NUBPL: variants seen among roughly 807,000 people sequenced by gnomAD.
NUBPL encodes the protein NUBP iron-sulfur cluster assembly factor, mitochondrial.
A neutral mutation model predicts 45.7 loss-of-function variants in NUBPL; 31 were observed. The observed-to-expected ratio is 0.68, with a 90% CI of 0.51 to 0.92. NUBPL has a LOEUF of 0.92. Ranked by LOEUF, NUBPL falls within the 40% of genes least tolerant of loss-of-function variation. The probability of loss-of-function intolerance (pLI) is 0.00; values close to 1 mark genes in which losing one functional copy is unlikely to be tolerated. For synonymous variants in NUBPL, 144 were observed against 140.9 expected (o/e 1.02, Z -0.15); for missense variants, 401 against 398.7 (o/e 1.01, Z -0.05).
intron 8 of NUBPL, among the ~76,000 whole-genome samples, chr14:31,837,166 A>G (rs890218461): frequency 2.4e-4 from 37 of 152,234 alleles, no homozygotes; most frequent in Middle Eastern, 3.4e-3. Flanking sequence ...TACAAAAAAT[A>G]AAAAATTAGC....
rs944143569 is a variant in NUBPL, at chr14:31,651,446, A to T, written c.383-21909A>T. On this transcript the variant is annotated intron_variant, in intron 4 of 10. Transcript: ENST00000281081. The stretch of plus-strand genomic sequence containing the variant: ...TTTTAGCATGAATCACATTTTTTTT[A>T]AGGATGGGTTATCTCAGGTATTGTG... Among the ~76,000 whole-genome samples the T allele has an allele frequency of 1.2e-4, 18 of 152,188 alleles. No homozygotes were observed. The East Asian group carries it at 2.1e-3, about 18-fold the overall frequency.
At chr14:31,648,323 A>C (rs186148828) in intron 4 of NUBPL, among the ~76,000 whole-genome samples, 6 of 152,340 alleles carry the variant, frequency 3.9e-5, no homozygotes, top group Admixed American at 3.9e-4. Context: ...CATGGACTGG[A>C]AAAATCCTAG....
chr14:31,737,824 CACTT>C (rs2038196548), intron 6 of NUBPL, among the ~76,000 whole-genome samples: 1 of 152,096 alleles, frequency 6.6e-6, no homozygotes, highest in Non-Finnish European at 1.5e-5. Flanking sequence ...ATGGTAGTCG[CACTT>C]ACTTAACAGT....
At chr14:31,722,844 C>T (rs2037842379) in intron 6 of NUBPL, among the ~76,000 whole-genome samples, 1 of 151,948 alleles carries the variant, frequency 6.6e-6, no homozygotes, top group African/African-American at 2.4e-5. Flanking sequence ...AGATCTTTGT[C>T]ACATGCAGAG....
intron 3 of NUBPL, among the ~76,000 whole-genome samples, chr14:31,567,139 C>T (rs6571434): frequency 6.6e-6 from 1 of 151,552 alleles, no homozygotes; most frequent in Non-Finnish European, 1.5e-5. Flanking sequence ...ATAATTTCCT[C>T]TCTGAACTTT....
intron 3 of NUBPL, among the ~76,000 whole-genome samples, chr14:31,585,638 C>T (rs2033976828): frequency 6.6e-6 from 1 of 152,180 alleles, no homozygotes; most frequent in East Asian, 1.9e-4. Flanking sequence ...ATCCATATTT[C>T]TGTTCTATTT....
At chr14:31,660,633 T>C (rs1487637584) in intron 4 of NUBPL, among the ~76,000 whole-genome samples, 2 of 152,182 alleles carry the variant, frequency 1.3e-5, no homozygotes, top group Non-Finnish European at 2.9e-5. Context: ...AATGAGGTTG[T>C]ATATTCTTGA....
intron 4 of NUBPL, among the ~76,000 whole-genome samples, chr14:31,607,118 C>T (rs552645123): frequency 5.9e-5 from 9 of 152,226 alleles, no homozygotes; most frequent in East Asian, 5.8e-4. Context: ...CAGTGGCTCA[C>T]GACTGTAATC....
chr14:31,751,795 C>T (rs1006411955), intron 6 of NUBPL, among the ~76,000 whole-genome samples: 7 of 152,206 alleles, frequency 4.6e-5, no homozygotes, highest in Non-Finnish European at 1.0e-4. Context: ...CTCTGCATTG[C>T]CCTAGTAGAG....
chr14:31,694,007 C>A (rs1452519950), intron 6 of NUBPL, among the ~76,000 whole-genome samples: 1 of 151,934 alleles, frequency 6.6e-6, no homozygotes, highest in African/African-American at 2.4e-5. Context: ...AGGCACCCGC[C>A]ACCATGCCTG....
At chr14:31,677,103 A>G (rs2036718772) in intron 6 of NUBPL, among the ~76,000 whole-genome samples, 1 of 152,150 alleles carries the variant, frequency 6.6e-6, no homozygotes, top group Admixed American at 6.5e-5. Flanking sequence ...ATATTTTGAT[A>G]CAGACAGGCA....
chr14:31,773,116 T>G (rs2039038866), intron 6 of NUBPL, among the ~76,000 whole-genome samples: 1 of 152,148 alleles, frequency 6.6e-6, no homozygotes, highest in Non-Finnish European at 1.5e-5. Flanking sequence ...TTTTTATTAT[T>G]CAGATTTTTA....
chr14:31,736,599 T>C (rs573302098), intron 6 of NUBPL, among the ~76,000 whole-genome samples: 1 of 152,330 alleles, frequency 6.6e-6, no homozygotes, highest in East Asian at 1.9e-4. Context: ...AAAATGTCCA[T>C]TCTCCTGTTG....
intron 3 of NUBPL, among the ~76,000 whole-genome samples, chr14:31,598,729 T>C (rs2034348365): frequency 1.3e-5 from 2 of 152,214 alleles, no homozygotes; most frequent in South Asian, 4.1e-4. Context: ...TAAGAGGTTG[T>C]CTCTGTGTTA....
chr14:31,802,639 G>A (rs988111581), intron 7 of NUBPL, among the ~76,000 whole-genome samples: 4 of 152,062 alleles, frequency 2.6e-5, no homozygotes, highest in African/African-American at 7.2e-5. Flanking sequence ...TTGCTGCCAT[G>A]CCCTTGGACT....
chr14:31,624,320 G>A (rs1006205285), intron 4 of NUBPL, among the ~76,000 whole-genome samples: 1 of 152,158 alleles, frequency 6.6e-6, no homozygotes, highest in African/African-American at 2.4e-5. Flanking sequence ...TTTAAGAAAT[G>A]TATTCTTAAA....
chr14:31,801,676 G>T (rs1252650650), intron 7 of NUBPL, among the ~76,000 whole-genome samples: 1 of 152,124 alleles, frequency 6.6e-6, no homozygotes. Flanking sequence ...TTAGAAAAAA[G>T]TTCCCCTTCA....
chr14:31,669,571 A>G (rs1465594621), intron 4 of NUBPL, among the ~76,000 whole-genome samples: 3 of 152,002 alleles, frequency 2.0e-5, no homozygotes, highest in African/African-American at 7.2e-5. Flanking sequence ...CCCAGATATT[A>G]AACCTAGTAC....
At chr14:31,803,610 T>G (rs1471384621) in intron 7 of NUBPL, among the ~76,000 whole-genome samples, 1 of 152,202 alleles carries the variant, frequency 6.6e-6, no homozygotes, top group African/African-American at 2.4e-5. Flanking sequence ...TTGGACTTTT[T>G]TCAAGCACAC....
Sources: allele counts gnomAD v4.1 joint callset (sites outside exome capture counted in the v4.1 genomes callset), GRCh38; gene constraint gnomAD v4.1.1; transcripts MANE v1.5; gene names NCBI Gene and HGNC (gene_info 2026-07-23, HGNC 2026-07-21).